Variants in SGCD observed in about 807,000 individuals in gnomAD.
The protein encoded by SGCD is delta-sarcoglycan.
SGCD carries 18 observed loss-of-function variants against 36.6 expected under a neutral mutation model. The ratio of observed to expected loss-of-function variants is 0.49; its 90% CI spans 0.34 to 0.73. The LOEUF is 0.73. SGCD is among the 30% of genes least tolerant of loss of function. SGCD has a pLI of 0.01. For synonymous variants in SGCD, 133 were observed against 130.6 expected, an observed-to-expected ratio of 1.02 and a Z score of -0.12; for missense variants, 387 against 346.7, an observed-to-expected ratio of 1.12 and a Z score of -0.92.
intron 6 of SGCD, among the ~76,000 whole-genome samples, chr5:156,623,085 T>G (rs963461952): frequency 1.2e-4 from 19 of 152,150 alleles, no homozygotes; most frequent in Admixed American, 5.2e-4. Flanking sequence ...ATATATTTGT[T>G]GTATTATATG....
intron 7 of SGCD, among the ~76,000 whole-genome samples, chr5:156,727,886 GAACAGGTAA>G (rs1377716601): frequency 6.6e-6 from 1 of 152,198 alleles, no homozygotes; most frequent in Non-Finnish European, 1.5e-5. Flanking sequence ...GAAGAGATAA[GAACAGGTAA>G]AACTTTCCTG....
chr5:156,452,735 G>T (rs992280431), intron 3 of SGCD, among the ~76,000 whole-genome samples: 1 of 152,070 alleles, frequency 6.6e-6, no homozygotes, highest in African/African-American at 2.4e-5. Context: ...AAGATTCCAC[G>T]GTGAATGATA....
At chr5:156,009,270 G>T (rs1758811740) in intron 1 of SGCD, among the ~76,000 whole-genome samples, 1 of 152,158 alleles carries the variant, frequency 6.6e-6, no homozygotes, top group Admixed American at 6.5e-5. Flanking sequence ...GACCCTTTGG[G>T]TTCCAAAGAA....
At chr5:156,034,119 C>T (rs1041237297) in intron 1 of SGCD, among the ~76,000 whole-genome samples, 1 of 152,180 alleles carries the variant, frequency 6.6e-6, no homozygotes, top group Admixed American at 6.5e-5. Flanking sequence ...TGAAGAAACA[C>T]TTTTTGTCTC....
chr5:156,743,204 T>A (rs284440), intron 7 of SGCD, among the ~76,000 whole-genome samples: 127 of 151,314 alleles, frequency 8.4e-4, no homozygotes, highest in African/African-American at 2.8e-3. Flanking sequence ...CTCCGCCTCC[T>A]GGGTTCAAGC....
intron 3 of SGCD, among the ~76,000 whole-genome samples, chr5:156,414,032 G>C (rs1318384614): frequency 6.6e-6 from 1 of 152,182 alleles, no homozygotes; most frequent in South Asian, 2.1e-4. Context: ...TTGCAGAAAG[G>C]CTGAATTTTG....
the SGCD span, among the ~76,000 whole-genome samples, chr5:155,753,292 G>A: frequency 3.4e-5 from 5 of 148,302 alleles, no homozygotes; most frequent in Non-Finnish European, 5.9e-5. Context: ...AGCCGAGATC[G>A]CACCACTGCA....
chr5:156,620,645 GA>G (rs1220757144), intron 6 of SGCD, among the ~76,000 whole-genome samples: 4 of 152,296 alleles, frequency 2.6e-5, no homozygotes, highest in Admixed American at 6.5e-5. Flanking sequence ...AAGGGAATGA[GA>G]AGCAGCTTCC....
At chr5:155,927,538 T>C (rs1757015564) in intron 1 of SGCD, among the ~76,000 whole-genome samples, 1 of 152,164 alleles carries the variant, frequency 6.6e-6, no homozygotes, top group Non-Finnish European at 1.5e-5. Context: ...TTGCATGCTA[T>C]CGAAAAATGG....
chr5:156,539,911 C>T (rs1398164825), intron 4 of SGCD, among the ~76,000 whole-genome samples: 1 of 152,078 alleles, frequency 6.6e-6, no homozygotes, highest in Non-Finnish European at 1.5e-5. Flanking sequence ...ATTGTTGAAC[C>T]TGTCTAAGCT....
At chr5:156,104,920 A>G (rs1039618933) in intron 1 of SGCD, among the ~76,000 whole-genome samples, 28 of 152,142 alleles carry the variant, frequency 1.8e-4, no homozygotes, top group Non-Finnish European at 3.7e-4. Flanking sequence ...ATACAGAGAA[A>G]GCATTGAATA....
chr5:155,823,450 C>T, the SGCD span, among the ~76,000 whole-genome samples: 17 of 152,182 alleles, frequency 1.1e-4, no homozygotes, highest in East Asian at 2.5e-3. Flanking sequence ...TTCAAATGCT[C>T]ATTTCATAGG....
At chr5:155,892,693 A>G (rs1411734304) in intron 1 of SGCD, among the ~76,000 whole-genome samples, 1 of 152,224 alleles carries the variant, frequency 6.6e-6, no homozygotes, top group East Asian at 1.9e-4. Flanking sequence ...GCTGAAAAAC[A>G]AAATAGAATG....
At chr5:155,730,753 C>G in the SGCD span, among the ~76,000 whole-genome samples, 1 of 152,188 alleles carries the variant, frequency 6.6e-6, no homozygotes, top group African/African-American at 2.4e-5. Flanking sequence ...AGTGGCTTTC[C>G]CTCCAGAGGA....
intron 3 of SGCD, among the ~76,000 whole-genome samples, chr5:156,441,565 A>G (rs923015329): frequency 1.3e-5 from 2 of 152,174 alleles, no homozygotes; most frequent in African/African-American, 2.4e-5. Context: ...TGCATTGTCT[A>G]TGCAACATTT....
At chr5:156,731,892 G>C (rs1756094141) in intron 7 of SGCD, among the ~76,000 whole-genome samples, 1 of 151,986 alleles carries the variant, frequency 6.6e-6, no homozygotes, top group Non-Finnish European at 1.5e-5. Context: ...CTGTATTCCT[G>C]GGTATTTTAT....
chr5:155,857,385 C>T, the SGCD span, among the ~76,000 whole-genome samples: 2 of 152,196 alleles, frequency 1.3e-5, no homozygotes, highest in African/African-American at 4.8e-5. Context: ...GGAAGCAACT[C>T]AAATTCCCAT....
At chr5:156,197,878 G>A (rs1764057397) in intron 3 of SGCD, among the ~76,000 whole-genome samples, 1 of 151,946 alleles carries the variant, frequency 6.6e-6, no homozygotes, top group African/African-American at 2.4e-5. Context: ...ATGTACATAT[G>A]GAATGATTAA....
At chr5:155,728,251 G>C in the SGCD span, among the ~76,000 whole-genome samples, 12 of 152,156 alleles carry the variant, frequency 7.9e-5, no homozygotes, top group South Asian at 2.1e-4. Flanking sequence ...ACTCCGGCAC[G>C]TGGGCGCGCG....
Sources: gnomAD v4.1 joint callset for allele counts (sites outside exome capture counted in the v4.1 genomes callset) on GRCh38, gnomAD v4.1.1 for gene constraint, MANE v1.5 for transcripts, NCBI Gene and HGNC (gene_info 2026-07-23, HGNC 2026-07-21) for gene names.